LRRC69: variants seen among roughly 807,000 people sequenced by gnomAD.
The protein encoded by LRRC69 is leucine-rich repeat-containing protein 69.
LRRC69 carries 42 observed loss-of-function variants against 37.8 expected under a neutral mutation model. The ratio of observed to expected loss-of-function variants is 1.11; its 90% CI spans 0.87 to 1.44. The LOEUF (loss-of-function observed/expected upper bound fraction) is 1.44. LRRC69 is among the 40% of genes most tolerant of loss of function. The probability of loss-of-function intolerance (pLI) is 0.00; values close to 1 mark genes in which losing one functional copy is unlikely to be tolerated. For synonymous variants in LRRC69, 141 were observed against 143.1 expected, an observed-to-expected ratio of 0.99 and a Z score of 0.11; for missense variants, 357 against 401.9, an observed-to-expected ratio of 0.89 and a Z score of 0.96.
At chr8:91,117,812 A>C (rs1342197698) in intron 1 of LRRC69, among the ~76,000 whole-genome samples, 1 of 151,796 alleles carries the variant, frequency 6.6e-6, no homozygotes, top group African/African-American at 2.4e-5. Flanking sequence ...TCCCACTAAC[A>C]TATGTGCTAT....
In LRRC69 at chr8:91,192,393, T is replaced by C. The variant is rs561711930; in HGVS notation, c.753+2770T>C. 5.0e-3 allele frequency among the ~76,000 whole-genome samples: 753 copies of C among 152,078 alleles called. 5 individuals carry two copies. The highest frequency in any genetic ancestry group is 0.017 in the African/African-American group (696 of 41,460). Reference sequence around the variant, plus strand: ...GGATGGCTGGGTCAAATGGTATTTCTAGTTCTAGATCCCTGAGGAATCGCC... The same window carrying C: ...GGATGGCTGGGTCAAATGGTATTTCCAGTTCTAGATCCCTGAGGAATCGCC... On this transcript the variant is annotated intron_variant, in intron 6 of 7. Transcript: ENST00000448384.
intron 6 of LRRC69, among the ~76,000 whole-genome samples, chr8:91,200,215 G>C (rs1809688891): frequency 1.3e-5 from 2 of 152,162 alleles, no homozygotes; most frequent in African/African-American, 4.8e-5. Context: ...AAGTAGTTAG[G>C]ATTTAGACCT....
intron 3 of LRRC69, among the ~76,000 whole-genome samples, chr8:91,131,235 C>CT (rs35337686): frequency 0.48 from 67,051 of 140,072 alleles, 16,017 homozygotes; most frequent in South Asian, 0.63. Flanking sequence ...ATTGATTTGT[C>CT]TTTTTTTTTT....
chr8:91,122,427 A>C (rs1188997880), intron 1 of LRRC69, among the ~76,000 whole-genome samples: 3 of 152,092 alleles, frequency 2.0e-5, no homozygotes, highest in South Asian at 2.1e-4. Flanking sequence ...ATCAAAAAAA[A>C]CTCATTGTTC....
chr8:91,119,649 C>T (rs1813581671), intron 1 of LRRC69, among the ~76,000 whole-genome samples: 1 of 151,940 alleles, frequency 6.6e-6, no homozygotes. Flanking sequence ...TGTCGTTCAC[C>T]CTACTACATT....
chr8:91,144,323 A>G (rs1397309960), intron 5 of LRRC69, among the ~76,000 whole-genome samples: 2 of 151,834 alleles, frequency 1.3e-5, no homozygotes, highest in African/African-American at 2.4e-5. Context: ...TCTATTCCCC[A>G]TGTTGTCTTT....
chr8:91,104,782 A>C (rs561543153), intron 1 of LRRC69, among the ~76,000 whole-genome samples: 6 of 152,092 alleles, frequency 3.9e-5, no homozygotes, highest in Non-Finnish European at 7.4e-5. Context: ...TCGAGAAATC[A>C]TCCTAGTCTG....
chr8:91,117,765 A>C (rs907350489), intron 1 of LRRC69, among the ~76,000 whole-genome samples: 1 of 151,772 alleles, frequency 6.6e-6, no homozygotes, highest in Non-Finnish European at 1.5e-5. Context: ...AGGCTGCATA[A>C]TAGAAGTGTT....
At chr8:91,110,220 A>G (rs972863590) in intron 1 of LRRC69, among the ~76,000 whole-genome samples, 2 of 152,102 alleles carry the variant, frequency 1.3e-5, no homozygotes, top group Non-Finnish European at 2.9e-5. Context: ...TAGTTCAAAC[A>G]TATTTATACA....
At chr8:91,195,322 T>A (rs1031257871) in intron 6 of LRRC69, among the ~76,000 whole-genome samples, 23 of 151,540 alleles carry the variant, frequency 1.5e-4, no homozygotes, top group Non-Finnish European at 2.5e-4. Context: ...TATATTCTGT[T>A]GATTTGGGGT....
At chr8:91,109,512 A>T (rs1239440497) in intron 1 of LRRC69, among the ~76,000 whole-genome samples, 1 of 152,108 alleles carries the variant, frequency 6.6e-6, no homozygotes, top group East Asian at 1.9e-4. Context: ...TTTTAATTGA[A>T]TGTTAAAATT....
At chr8:91,165,764 G>C (rs1028477717) in intron 5 of LRRC69, among the ~76,000 whole-genome samples, 1 of 151,824 alleles carries the variant, frequency 6.6e-6, no homozygotes, top group Non-Finnish European at 1.5e-5. Context: ...ACATCAGACA[G>C]AGTCTGGAAT....
exon 4 of LRRC69, chr8:91,133,212 C>T (rs1307720923): frequency 6.5e-6 from 10 of 1,542,928 alleles, no homozygotes; most frequent in African/African-American, 1.4e-5. Flanking sequence ...AACTTAACTA[C>T]AATCAGCTGA....
chr8:91,204,713 A>G (rs1473245791), intron 7 of LRRC69, among the ~76,000 whole-genome samples: 1 of 152,256 alleles, frequency 6.6e-6, no homozygotes, highest in Non-Finnish European at 1.5e-5. Flanking sequence ...TATTCTTACT[A>G]GCATTATTAG....
chr8:91,180,442 A>G (rs73697136), intron 5 of LRRC69, among the ~76,000 whole-genome samples: 2,933 of 149,142 alleles, frequency 0.02, 78 homozygotes, highest in African/African-American at 0.069. Context: ...ATAAGCAGGA[A>G]TTGCAATACC....
intron 6 of LRRC69, among the ~76,000 whole-genome samples, chr8:91,195,540 C>T (rs1809582331): frequency 2.0e-5 from 3 of 150,170 alleles, no homozygotes; most frequent in Non-Finnish European, 4.5e-5. Flanking sequence ...GTATTGGGTG[C>T]ATATATATTT....
intron 6 of LRRC69, among the ~76,000 whole-genome samples, chr8:91,194,627 A>G (rs1234677095): frequency 6.6e-6 from 1 of 151,654 alleles, no homozygotes; most frequent in East Asian, 1.9e-4. Flanking sequence ...TTTCTAGTTT[A>G]TTTGCGTAGA....
At chr8:91,200,330 T>G (rs1282780621) in intron 6 of LRRC69, among the ~76,000 whole-genome samples, 3 of 152,250 alleles carry the variant, frequency 2.0e-5, no homozygotes, top group Non-Finnish European at 2.9e-5. Flanking sequence ...TGTATCTAAC[T>G]TTATAAAATG....
At chr8:91,217,634 A>T (rs772545029) in intron 7 of LRRC69, among the ~76,000 whole-genome samples, 5 of 152,040 alleles carry the variant, frequency 3.3e-5, no homozygotes, top group Non-Finnish European at 7.4e-5. Flanking sequence ...GGAGTGAGAA[A>T]AGTTGCTCTC....
Sources: allele counts gnomAD v4.1 joint callset (sites outside exome capture counted in the v4.1 genomes callset), GRCh38; gene constraint gnomAD v4.1.1; transcripts MANE v1.5; gene names NCBI Gene and HGNC (gene_info 2026-07-23, HGNC 2026-07-21).